VPS33B: variants seen among roughly 807,000 people sequenced by gnomAD.
VPS33B encodes vacuolar protein sorting-associated protein 33B.
VPS33B carries 80 observed loss-of-function variants against 95.3 expected under a neutral mutation model. That is an observed-to-expected ratio of 0.84 (90% confidence interval 0.70 to 1.01). The LOEUF (loss-of-function observed/expected upper bound fraction) is 1.01. Ranked by LOEUF, VPS33B falls within the 50% of genes least tolerant of loss-of-function variation. VPS33B has a pLI of 0.00. For synonymous variants in VPS33B, 280 were observed against 280.4 expected (o/e 1.00, Z 0.01); for missense variants, 715 against 773.4 (o/e 0.92, Z 0.90).
Position 91,000,647 on chromosome 15 carries a change from A to T in VPS33B, c.1480-56T>A, listed in dbSNP as rs866137902. 8.1e-5 allele frequency: 122 copies of T among 1,508,286 alleles called. 4 individuals carry two copies. In the Middle Eastern group the frequency reaches 0.012, roughly 147 times the overall value. 93.4% of individuals were successfully genotyped at this position (1,508,286 alleles called of 1,614,324 possible). On this transcript the variant is annotated intron_variant, in intron 19 of 22. Coordinates refer to ENST00000333371, the MANE Select transcript of VPS33B (RefSeq NM_018668.5). This position sits in a 1 kb window ranked among gnomAD's most constrained non-coding sequence, Gnocchi z 4.9. The stretch of plus-strand genomic sequence containing the variant: ...TGACAGCTCAGCTCCCTAACCCTTT[A>T]AAGGGTCAGATAAAGTGGCATGGCC...
chr15:91,022,205 G>T lies in VPS33B; in HGVS notation c.45C>A (p.Phe15Leu), dbSNP rs2041124568. 1.9e-6 allele frequency: 3 copies of T among 1,588,380 alleles called. No individual in the cohort carries two copies. Among genetic ancestry groups the T allele is most frequent in the Non-Finnish European group, 2.6e-6 (3 of 1,165,972 alleles). ...CTCGAGCCAGCCTCTTCAGCATGGA[G>T]AAGTCAGGCAGCTCAGGGGCGTCCG... ...HRPDAPELPD[F>L]SMLKRLARDQ... Residue 15 changes from phenylalanine (F) to leucine (L), a missense_variant, in exon 1 of 23, where the codon TTC becomes TTA. Physicochemically the swap from Phe to Leu is conservative, Grantham distance 22. Transcript: ENST00000333371.
At position 91,003,079 on chromosome 15, in the gene VPS33B, C is replaced by A. The variant is rs2040489610; in HGVS notation, c.1272+6G>T. ...TTCCCTCAAGAATACATTCTCCAGG[C>A]CTTACCTGCAGATACTGTGTTTTCA... On this transcript the variant is annotated splice_donor_region_variant and intron_variant, in intron 17 of 22. Transcript: ENST00000333371. 7 of 1,613,908 alleles carry A rather than the reference C, an allele frequency of 4.3e-6. No individual in the cohort carries two copies. The highest frequency in any genetic ancestry group is 5.9e-6 in the Non-Finnish European group (7 of 1,179,956).
In VPS33B at chr15:91,000,990, G is replaced by C. The variant is rs1372313686; in HGVS notation, c.1479+399C>G. 2.9e-5 allele frequency: 10 copies of C among 346,978 alleles called. No homozygotes were observed. The East Asian group carries it at 7.4e-4, about 26-fold the overall frequency. The allele number at this position is 346,978 out of a possible 1,614,324, so 21.5% of individuals were successfully genotyped here. The stretch of plus-strand genomic sequence containing the variant: ...CAAACAAAAGAATCTTTATACACAT[G>C]AAATGACAAAAAGGTTTTTGTGGAT... On this transcript the variant is annotated intron_variant, in intron 19 of 22. Transcript: ENST00000333371. This position sits in a 1 kb window ranked among gnomAD's most constrained non-coding sequence, Gnocchi z 4.9.
chr15:91,001,602 T>C (rs1265341592), intron 18 of VPS33B, 140 bp from the exon 19 acceptor site: 1 of 749,294 alleles, frequency 1.3e-6, no homozygotes, highest in Non-Finnish European at 2.4e-6. Context: ...TCCCTGGAAC[T>C]AATCAAGATA....
chr15:91,020,336 G>A (rs544659398), intron 1 of VPS33B, among the ~76,000 whole-genome samples: 1 of 152,304 alleles, frequency 6.6e-6, no homozygotes, highest in East Asian at 1.9e-4. Flanking sequence ...AGGCAAAGAT[G>A]ATTCTGATAT....
chr15:91,001,365 C>A (rs1243216440), intron 19 of VPS33B, 24 bp downstream of exon 19: 2 of 1,598,660 alleles, frequency 1.3e-6, no homozygotes, highest in East Asian at 2.2e-5. Flanking sequence ...CACTGTCTCC[C>A]CTAACCATCC....
chr15:91,007,873 A>G lies in VPS33B; in HGVS notation c.495T>C (p.Phe165=). 1 of 1,614,196 alleles carries G rather than the reference A, an allele frequency of 6.2e-7. No individual in the cohort carries two copies. Among genetic ancestry groups the G allele is most frequent in the Non-Finnish European group, 8.5e-7 (1 of 1,180,016 alleles). ...MELPEFFRDY[F]LEGDQRWINT... Reference sequence around the variant, plus strand: ...ACACAAGGGCCTCTGCATTTACCAGAAAGTAATCCCTGAAAAATTCTGGTA... The same window carrying G: ...ACACAAGGGCCTCTGCATTTACCAGGAAGTAATCCCTGAAAAATTCTGGTA... Residue 165 remains phenylalanine, a synonymous_variant, in exon 7 of 23, where the codon TTT becomes TTC. Transcript: ENST00000333371. This position sits in a 1 kb window ranked among gnomAD's most constrained non-coding sequence, Gnocchi z 5.3.
rs1383964048 is a variant in VPS33B at position 91,006,829 on chromosome 15, C to T, written c.701-100G>A. The T allele has an allele frequency of 3.8e-6, 6 of 1,582,340 alleles. 1 individual carries two copies. The highest frequency in any genetic ancestry group is 4.5e-5 in the East Asian group (2 of 44,694). Reference sequence around the variant, plus strand: ...GATACTTTCCATAGGGCCAAGGACCCACGCTCCTCAAAGCTGGGATTCACA... The same window carrying T: ...GATACTTTCCATAGGGCCAAGGACCTACGCTCCTCAAAGCTGGGATTCACA... On this transcript the variant is annotated intron_variant, in intron 9 of 22. Transcript: ENST00000333371. The surrounding 1 kb of genome is among the most constrained non-coding windows in gnomAD (Gnocchi z 5.4).
At chr15:91,004,713 T>C (rs188843584) in intron 16 of VPS33B, among the ~76,000 whole-genome samples, 164 bp downstream of exon 16, 1 of 152,162 alleles carries the variant, frequency 6.6e-6, no homozygotes, top group African/African-American at 2.4e-5. Flanking sequence ...TAAATTACCC[T>C]GTGTCCTGGT....
At chr15:91,004,240 GAAA>G (rs1468881142) in intron 16 of VPS33B, among the ~76,000 whole-genome samples, 1 of 146,160 alleles carries the variant, frequency 6.8e-6, no homozygotes, top group Non-Finnish European at 1.5e-5. Flanking sequence ...AAAAAAAGAA[GAAA>G]AAGAAAAAGA....
rs1366057442 is a variant in VPS33B at position 91,013,410 on chromosome 15, A to G, written c.357+394T>C. ...TGTTGGAAACTGAATCTGCAGTGCAACAGTGTTGGGAGGTGCAGCCTAATA... is the reference window on the plus strand; with the variant it reads ...TGTTGGAAACTGAATCTGCAGTGCAGCAGTGTTGGGAGGTGCAGCCTAATA... On this transcript the variant is annotated intron_variant, in intron 5 of 22. Coordinates refer to ENST00000333371, the MANE Select transcript of VPS33B (RefSeq NM_018668.5). The surrounding 1 kb of genome is among the most constrained non-coding windows in gnomAD (Gnocchi z 4.5). 6.6e-6 allele frequency among the ~76,000 whole-genome samples: 1 copy of G among 152,228 alleles called. No homozygotes were observed. Among genetic ancestry groups the G allele is most frequent in the Non-Finnish European group, 1.5e-5 (1 of 68,044 alleles).
rs984070578 is a variant in VPS33B at position 91,009,363 on chromosome 15, A to G, written c.403+438T>C. 6.0e-5 allele frequency among the ~76,000 whole-genome samples: 9 copies of G among 150,502 alleles called. No homozygotes were observed. The highest frequency in any genetic ancestry group is 2.2e-4 in the African/African-American group (9 of 40,846). ...CTCTTGTTGCCCAGGCTGGAGTGCA[A>G]TGGCGTGATCTCGGCTCACTGCAAC... On this transcript the variant is annotated intron_variant, in intron 6 of 22. Coordinates refer to ENST00000333371, the MANE Select transcript of VPS33B (RefSeq NM_018668.5). This position sits in a 1 kb window ranked among gnomAD's most constrained non-coding sequence, Gnocchi z 4.1.
At position 91,002,552 on chromosome 15, in the gene VPS33B, C is replaced by T. The variant is rs1041811884; in HGVS notation, c.1273-370G>A. On this transcript the variant is annotated intron_variant, in intron 17 of 22. Transcript: ENST00000333371. This position sits in a 1 kb window ranked among gnomAD's most constrained non-coding sequence, Gnocchi z 4.7. Reference sequence around the variant, plus strand: ...AGGCTGAGGCACAGAAATGCTTGAACCTAGGAGGCAGAGGCTGCAGTGAGT... The same window carrying T: ...AGGCTGAGGCACAGAAATGCTTGAATCTAGGAGGCAGAGGCTGCAGTGAGT... Among the ~76,000 whole-genome samples the T allele has an allele frequency of 1.3e-5, 2 of 151,390 alleles. No homozygotes were observed. Among genetic ancestry groups the T allele is most frequent in the Admixed American group, 6.6e-5 (1 of 15,214 alleles).
chr15:91,002,624 C>T lies in VPS33B; in HGVS notation c.1273-442G>A, dbSNP rs1174011647. Among the ~76,000 whole-genome samples the T allele has an allele frequency of 4.3e-5, 6 of 139,654 alleles. No homozygotes were observed. The East Asian group carries it at 6.4e-4, about 15-fold the overall frequency. The allele number at this position is 139,654 out of a possible 152,430, so 91.6% of individuals were successfully genotyped here. A position where few individuals can be genotyped will look rare whatever the true frequency, so the allele number is the denominator to read the frequency against. ...TAGCTTGGGCAACAGAGCGAGACAT[C>T]GTCTCGAAATAAAAAAAAAAAAAAA... On this transcript the variant is annotated intron_variant, in intron 17 of 22. Transcript: ENST00000333371. The surrounding 1 kb of genome is among the most constrained non-coding windows in gnomAD (Gnocchi z 4.7).
chr15:90,999,595 A>G lies in VPS33B; in HGVS notation c.1774+82T>C. On this transcript the variant is annotated intron_variant, in intron 22 of 22. Transcript: ENST00000333371. This position sits in a 1 kb window ranked among gnomAD's most constrained non-coding sequence, Gnocchi z 5.1. ...CCGCCTCCCAAAGTGCTGAGATTAC[A>G]GGTATGAACCACCGTGCCCAGCTGA... 7.0e-7 allele frequency: 1 copy of G among 1,433,224 alleles called. No homozygotes were observed. The highest frequency in any genetic ancestry group is 9.8e-7 in the Non-Finnish European group (1 of 1,020,102). The allele number at this position is 1,433,224 out of a possible 1,614,324, so 88.8% of individuals were successfully genotyped here. A position where few individuals can be genotyped will look rare whatever the true frequency, so the allele number is the denominator to read the frequency against.
chr15:91,006,419 T>C lies in VPS33B; in HGVS notation c.805A>G (p.Thr269Ala), dbSNP rs367893766. The C allele has an allele frequency of 3.7e-6, 6 of 1,614,112 alleles. No homozygotes were observed. Among genetic ancestry groups the C allele is most frequent in the Non-Finnish European group, 4.2e-6 (5 of 1,180,058 alleles). ...ACCTTCAGGCTCTTGTCAGAGGATG[T>C]GACTTCTGGGCCAAAGTCGACACTC... ...CGSVDFGPEV[T>A]SSDKSLKVLL... is the part of the protein sequence containing the mutation. The change falls in exon 11 of 23, where the codon ACA becomes GCA. Residue 269 changes from threonine (T) to alanine (A), a missense_variant. Thr to Ala is a moderately conservative substitution (Grantham distance 58, BLOSUM62 0). Transcript: ENST00000333371. The surrounding 1 kb of genome is among the most constrained non-coding windows in gnomAD (Gnocchi z 5.4).
At position 90,999,137 on chromosome 15, in the gene VPS33B, A is replaced by G. The variant is rs1008725534; in HGVS notation, c.1775-83T>C. On this transcript the variant is annotated intron_variant, in intron 22 of 22. Transcript: ENST00000333371. This position sits in a 1 kb window ranked among gnomAD's most constrained non-coding sequence, Gnocchi z 5.1. ...ACCCATAGAGCCTCTCCAGTTCCACAGTCCCCACGGGATCACAGCACCAGT... is the reference window on the plus strand; with the variant it reads ...ACCCATAGAGCCTCTCCAGTTCCACGGTCCCCACGGGATCACAGCACCAGT... 1 of 1,286,510 alleles carries G rather than the reference A, an allele frequency of 7.8e-7. No individual in the cohort carries two copies. Among genetic ancestry groups the G allele is most frequent in the Non-Finnish European group, 1.1e-6 (1 of 894,374 alleles). The allele number at this position is 1,286,510 out of a possible 1,614,324, so 79.7% of individuals were successfully genotyped here.
rs1022550911 is a variant in VPS33B at position 91,010,372 on chromosome 15, A to G, written c.358-526T>C. Among the ~76,000 whole-genome samples, 1 of 152,196 alleles carries G rather than the reference A, an allele frequency of 6.6e-6. No homozygotes were observed. Among genetic ancestry groups the G allele is most frequent in the African/African-American group, 2.4e-5 (1 of 41,454 alleles). On this transcript the variant is annotated intron_variant, in intron 5 of 22. Coordinates refer to ENST00000333371, the MANE Select transcript of VPS33B (RefSeq NM_018668.5). This position sits in a 1 kb window ranked among gnomAD's most constrained non-coding sequence, Gnocchi z 5.7. ...TCCCAGAACTTTGGAAGGCCGAGGC[A>G]GGTGAATCGCTTGAGCCCAGAAGTT...
Position 91,018,451 on chromosome 15 carries a change from CAGTT to C in VPS33B, c.97-570_97-567del, listed in dbSNP as rs963217123. Among the ~76,000 whole-genome samples, 13 of 152,140 alleles carry C rather than the reference CAGTT, an allele frequency of 8.5e-5. No individual in the cohort carries two copies. Among genetic ancestry groups the C allele is most frequent in the African/African-American group, 3.1e-4 (13 of 41,430 alleles). ...GTCTGTTCAGAGGAAGGAGAGGTCA[CAGTT>C]AGTGACAGGGAGGGGAAAGTCACTG... On this transcript the variant is annotated intron_variant, in intron 1 of 22. Transcript: ENST00000333371. This position sits in a 1 kb window ranked among gnomAD's most constrained non-coding sequence, Gnocchi z 4.7.
Sources: gnomAD v4.1 joint callset for allele counts (sites outside exome capture counted in the v4.1 genomes callset) on GRCh38, gnomAD v4.1.1 for gene constraint, Gnocchi (gnomAD v3.1) non-coding constraint, MANE v1.5 for transcripts, NCBI Gene and HGNC (gene_info 2026-07-23, HGNC 2026-07-21) for gene names.